Variants in TRIP11 observed in about 807,000 individuals in gnomAD.
TRIP11 encodes thyroid hormone receptor interactor 11.
TRIP11 carries 148 observed loss-of-function variants against 223.1 expected under a neutral mutation model. The observed-to-expected ratio is 0.66, with a 90% CI of 0.58 to 0.76. The LOEUF (loss-of-function observed/expected upper bound fraction) is 0.76, where lower values mean the gene tolerates loss of function less well. Ranked by LOEUF, TRIP11 falls within the 30% of genes least tolerant of loss-of-function variation. The pLI is 0.00. For synonymous variants in TRIP11, 762 were observed against 772.6 expected, an observed-to-expected ratio of 0.99 and a Z score of 0.23; for missense variants, 2,043 against 2,222.0, an observed-to-expected ratio of 0.92 and a Z score of 1.62.
chr14:92,005,869 G>A lies in TRIP11; in HGVS notation c.2107C>T (p.Leu703Phe). 1 of 1,613,974 alleles carries A rather than the reference G, an allele frequency of 6.2e-7. No homozygotes were observed. The highest frequency in any genetic ancestry group is 1.1e-5 in the South Asian group (1 of 91,076). ...ACAATAGTGTTTTTTTCCAGAGAAA[G>A]CTGATTGTTACCAGCAAGACATTCT... ...LEECLAGNNQ[L>F]SLEKNTIVET... The change falls in exon 11 of 21, where the codon CTT becomes TTT. Residue 703 changes from leucine to phenylalanine, a missense_variant. Coordinates refer to ENST00000267622, the MANE Select transcript of TRIP11 (RefSeq NM_004239.4).
At chr14:92,010,859 T>C (rs1350135110) in intron 9 of TRIP11, 127 bp downstream of exon 9, 1 of 903,854 alleles carries the variant, frequency 1.1e-6, no homozygotes, top group African/African-American at 1.6e-5. Context: ...AAAGCATCAG[T>C]GAGATCAGCT....
chr14:92,015,582 C>G, intron 6 of TRIP11, 114 bp downstream of exon 6: 1 of 818,296 alleles, frequency 1.2e-6, no homozygotes, highest in Non-Finnish European at 1.8e-6. Flanking sequence ...CGCTTGAACC[C>G]GGGGGGCGGA....
rs7143506 is a variant in TRIP11, at chr14:92,033,512, G to A, written c.140-259C>T. 0.45 allele frequency among the ~76,000 whole-genome samples: 68,664 copies of A among 151,812 alleles called. 16,904 individuals are homozygous for A. Among genetic ancestry groups the A allele is most frequent in the African/African-American group, 0.66 (27,233 of 41,394 alleles). ...CTTTACCCCTTAGAAATGTTCATTA[G>A]AATTTTGTTGTGGGAAATTAAGCTT... On this transcript the variant is annotated intron_variant, in intron 1 of 20. Transcript: ENST00000267622.
chr14:91,974,044 C>G (rs1009580876), intron 19 of TRIP11, among the ~76,000 whole-genome samples: 1 of 152,086 alleles, frequency 6.6e-6, no homozygotes, highest in Non-Finnish European at 1.5e-5. Context: ...CAAAACAAAA[C>G]AAAAGCTAAG....
At chr14:92,018,636 C>T (rs1369337811) in intron 4 of TRIP11, among the ~76,000 whole-genome samples, 1 of 152,070 alleles carries the variant, frequency 6.6e-6, no homozygotes, top group Non-Finnish European at 1.5e-5. Context: ...AACTTAACCA[C>T]TGTGGCAATG....
intron 4 of TRIP11, among the ~76,000 whole-genome samples, chr14:92,018,960 C>CAAAAAAA (rs567152333): frequency 2.0e-4 from 14 of 70,882 alleles, no homozygotes; most frequent in Non-Finnish European, 2.5e-4. Flanking sequence ...GACTCCATCT[C>CAAAAAAA]AAAAAAAAAA....
At chr14:92,003,091 T>C (rs2056848455) in intron 11 of TRIP11, among the ~76,000 whole-genome samples, 1 of 152,224 alleles carries the variant, frequency 6.6e-6, no homozygotes, top group Non-Finnish European at 1.5e-5. Context: ...TAACAGCTAC[T>C]GTAATACCTA....
chr14:92,005,722 A>G lies in TRIP11; in HGVS notation c.2254T>C (p.Leu752=). The G allele has an allele frequency of 1.9e-6, 3 of 1,614,006 alleles. No homozygotes were observed. The highest frequency in any genetic ancestry group is 2.7e-5 in the African/African-American group (2 of 75,064). Residue 752 remains leucine (L), a synonymous_variant, in exon 11 of 21, where the codon TTG becomes CTG. Transcript: ENST00000267622. ...TCCAGCTGTAAGGCAGAGGTATTCA[A>G]ATTACGTGCATTTGACAGTTCTTCA... The part of the protein sequence containing the change: ...TIEELSNARN[L]NTSALQLEHE...
chr14:91,982,608 T>G (rs1177933964), intron 16 of TRIP11, among the ~76,000 whole-genome samples: 1 of 152,170 alleles, frequency 6.6e-6, no homozygotes, highest in East Asian at 1.9e-4. Flanking sequence ...TACCCTTGAA[T>G]CCACAAGTTG....
intron 2 of TRIP11, among the ~76,000 whole-genome samples, chr14:92,030,271 T>A (rs1446970723): frequency 6.6e-6 from 1 of 151,560 alleles, no homozygotes; most frequent in African/African-American, 2.4e-5. Flanking sequence ...AAAAGAAATA[T>A]GGCTTTCAGA....
At chr14:92,021,914 A>G in intron 3 of TRIP11, 83 bp from the exon 4 acceptor site, 1 of 1,444,252 alleles carries the variant, frequency 6.9e-7, no homozygotes, top group South Asian at 1.2e-5. Context: ...TAAAAGACAC[A>G]ATACAATAAT....
At chr14:92,019,081 T>C (rs1395628124) in intron 4 of TRIP11, among the ~76,000 whole-genome samples, 6 of 151,198 alleles carry the variant, frequency 4.0e-5, no homozygotes, top group African/African-American at 1.2e-4. Flanking sequence ...TATGGAAACA[T>C]AAAATGTAAT....
chr14:91,972,876 T>G lies in TRIP11; in HGVS notation c.5575-15A>C. Reference sequence around the variant, plus strand: ...TCTGAAAAAGACTAAGAAAAAATATTTTGGTTATATTAGGCTAGATAATTA... The same window carrying G: ...TCTGAAAAAGACTAAGAAAAAATATGTTGGTTATATTAGGCTAGATAATTA... On this transcript the variant is annotated splice_polypyrimidine_tract_variant and intron_variant, in intron 19 of 20. Transcript: ENST00000267622. 1 of 1,600,778 alleles carries G rather than the reference T, an allele frequency of 6.2e-7. No homozygotes were observed.
intron 15 of TRIP11, among the ~76,000 whole-genome samples, chr14:91,990,945 T>G (rs2056664352): frequency 1.3e-5 from 2 of 152,296 alleles, no homozygotes; most frequent in South Asian, 4.1e-4. Flanking sequence ...GACAAGAAAG[T>G]AAGTATAAAT....
rs1163072182 is a variant in TRIP11, at chr14:92,025,426, A to G, written c.202-6T>C. On this transcript the variant is annotated splice_region_variant and splice_polypyrimidine_tract_variant and intron_variant, in intron 2 of 20. Coordinates refer to ENST00000267622, the MANE Select transcript of TRIP11 (RefSeq NM_004239.4). ...AGTTTCTTAAGCCTTTCATTCTAGA[A>G]AAAAAAAGTATTTTCAACAAAAAGA... 1.9e-6 allele frequency: 3 copies of G among 1,604,004 alleles called. No individual in the cohort carries two copies. Among genetic ancestry groups the G allele is most frequent in the South Asian group, 2.2e-5 (2 of 90,854 alleles).
chr14:92,039,844 C>G lies in TRIP11; in HGVS notation c.-159G>C. 6.7e-7 allele frequency: 1 copy of G among 1,484,852 alleles called. No individual in the cohort carries two copies. Among genetic ancestry groups the G allele is most frequent in the Non-Finnish European group, 9.1e-7 (1 of 1,099,998 alleles). 92.0% of individuals were successfully genotyped at this position (1,484,852 alleles called of 1,614,324 possible). On this transcript the variant is annotated 5_prime_UTR_variant, in exon 1 of 21. An upstream open reading frame in the 5' UTR loses its in-frame stop. Coordinates refer to ENST00000267622, the MANE Select transcript of TRIP11 (RefSeq NM_004239.4). ...AGGCAAGGCCGACTCCAGGTTCTGCCTAGAAACGCAGAGGCCTGGCCTGGA... is the reference window on the plus strand; with the variant it reads ...AGGCAAGGCCGACTCCAGGTTCTGCGTAGAAACGCAGAGGCCTGGCCTGGA...
At chr14:92,034,280 GGGTGT>G (rs2057299837) in intron 1 of TRIP11, among the ~76,000 whole-genome samples, 2 of 152,014 alleles carry the variant, frequency 1.3e-5, no homozygotes, top group Non-Finnish European at 2.9e-5. Flanking sequence ...AAAATTAGCC[GGGTGT>G]GGTGGCACAC....
In TRIP11 at chr14:91,999,483, C is replaced by T. The variant is rs189247686; in HGVS notation, c.4699-50G>A. ...TTTACAAAATGCTCCCTTTCCACTG[C>T]TACAAACCATTTTGTTATCAAATCT... On this transcript the variant is annotated intron_variant, in intron 12 of 20. Transcript: ENST00000267622. The T allele has an allele frequency of 6.7e-4, 1,041 of 1,561,068 alleles. 3 individuals are homozygous for T. Among genetic ancestry groups the T allele is most frequent in the Non-Finnish European group, 8.3e-4 (941 of 1,136,780 alleles).
At chr14:91,979,272 A>G (rs76462447) in intron 16 of TRIP11, among the ~76,000 whole-genome samples, 25 of 150,184 alleles carry the variant, frequency 1.7e-4, no homozygotes, top group South Asian at 4.2e-4. Flanking sequence ...AAAAAAAAAA[A>G]AGAGAGAGAG....
Sources: gnomAD v4.1 joint callset for allele counts (sites outside exome capture counted in the v4.1 genomes callset) on GRCh38, gnomAD v4.1.1 for gene constraint, MANE v1.5 for transcripts, NCBI Gene and HGNC (gene_info 2026-07-23, HGNC 2026-07-21) for gene names.